Variants in SCAI observed in about 807,000 individuals in gnomAD.
SCAI encodes the protein protein SCAI.
SCAI carries 24 observed loss-of-function variants against 92.2 expected under a neutral mutation model. The observed-to-expected ratio is 0.26, with a 90% CI of 0.19 to 0.37. The LOEUF (loss-of-function observed/expected upper bound fraction) is 0.37, where lower values mean the gene tolerates loss of function less well. Among genes scored for constraint, SCAI ranks in the 10% least tolerant of loss-of-function variants. The pLI, the probability that SCAI is intolerant of heterozygous loss-of-function variation, is 1.00. For synonymous variants in SCAI, 261 were observed against 258.6 expected (o/e 1.01, Z -0.09); for missense variants, 450 against 736.2 (o/e 0.61, Z 4.50).
At chr9:125,089,678 T>C (rs1834390258) in intron 2 of SCAI, among the ~76,000 whole-genome samples, 1 of 151,060 alleles carries the variant, frequency 6.6e-6, no homozygotes, top group Non-Finnish European at 1.5e-5. Context: ...TTTTTTTTGG[T>C]TTGGGGTTGG....
intron 3 of SCAI, among the ~76,000 whole-genome samples, chr9:125,048,282 C>G (rs958890489): frequency 6.6e-6 from 1 of 151,936 alleles, no homozygotes; most frequent in Non-Finnish European, 1.5e-5. Flanking sequence ...CCAGCCTAGT[C>G]AATCAATGAT....
intron 3 of SCAI, among the ~76,000 whole-genome samples, chr9:125,053,903 A>G (rs1298387619): frequency 1.3e-5 from 2 of 152,204 alleles, no homozygotes; most frequent in African/African-American, 4.8e-5. Context: ...CCCATGTGCC[A>G]GAAGTTACAC....
rs1832855435 is a variant in SCAI, at chr9:125,020,762, A to G, written c.520T>C (p.Leu174=). The G allele has an allele frequency of 1.4e-6, 2 of 1,412,348 alleles. No homozygotes were observed. Among genetic ancestry groups the G allele is most frequent in the Non-Finnish European group, 2.0e-6 (2 of 1,021,392 alleles). 87.5% of individuals were successfully genotyped at this position (1,412,348 alleles called of 1,614,324 possible). A position where few individuals can be genotyped will look rare whatever the true frequency, so the allele number is the denominator to read the frequency against. ...TAATATCGTAACTTCTTAACTACCA[A>G]TTCAGGTCTATGGAAGATAAATGAA... ...SQVNKEDRPE[L]VVKKLRYYAR... Residue 174 remains leucine (L), a synonymous_variant, in exon 7 of 18, where the codon TTG becomes CTG. Coordinates refer to ENST00000336505, the MANE Select transcript of SCAI (RefSeq NM_001144877.3).
rs114565302 is a variant in SCAI, at chr9:125,043,760, A to C, written c.230+12116T>G. 8.3e-3 allele frequency among the ~76,000 whole-genome samples: 1,260 copies of C among 152,284 alleles called. 17 individuals carry two copies. The highest frequency in any genetic ancestry group is 0.028 in the African/African-American group (1,179 of 41,562). ...CTTAGCCTCTCAAGTAGCTGGGATTATGATGGTGGTGGCAGCCCATCTGGA... is the reference window on the plus strand; with the variant it reads ...CTTAGCCTCTCAAGTAGCTGGGATTCTGATGGTGGTGGCAGCCCATCTGGA... On this transcript the variant is annotated intron_variant, in intron 3 of 17. Coordinates refer to ENST00000336505, the MANE Select transcript of SCAI (RefSeq NM_001144877.3).
At chr9:125,028,741 C>A (rs1298409018) in intron 4 of SCAI, among the ~76,000 whole-genome samples, 1 of 149,244 alleles carries the variant, frequency 6.7e-6, no homozygotes, top group Non-Finnish European at 1.5e-5. Flanking sequence ...TATGCTCTAG[C>A]TGATCTGAAC....
intron 6 of SCAI, among the ~76,000 whole-genome samples, chr9:125,021,473 T>C (rs925856245): frequency 5.3e-5 from 8 of 152,324 alleles, no homozygotes; most frequent in Admixed American, 1.3e-4. Context: ...GCTTCCTAGT[T>C]ATACTACTTC....
intron 2 of SCAI, among the ~76,000 whole-genome samples, chr9:125,119,189 A>G (rs1273330734): frequency 1.3e-5 from 2 of 152,174 alleles, no homozygotes; most frequent in African/African-American, 2.4e-5. Context: ...TGAACAGCCA[A>G]TATTTTGTGG....
intron 2 of SCAI, among the ~76,000 whole-genome samples, chr9:125,106,722 CTTT>C (rs34740170): frequency 0.041 from 4,677 of 113,260 alleles, 184 homozygotes; most frequent in African/African-American, 0.14. Flanking sequence ...TTTTCTTTTC[CTTT>C]TTTTTTTTTT....
chr9:125,084,833 T>C (rs997421021), intron 2 of SCAI, among the ~76,000 whole-genome samples: 16 of 152,228 alleles, frequency 1.1e-4, no homozygotes, highest in African/African-American at 3.4e-4. Context: ...ACAACTTTTA[T>C]TGTTCTTTAT....
intron 9 of SCAI, among the ~76,000 whole-genome samples, chr9:125,004,261 C>T (rs898607537): frequency 2.6e-5 from 4 of 151,924 alleles, no homozygotes; most frequent in South Asian, 4.2e-4. Flanking sequence ...TGAATTCACA[C>T]GTGTAGGTAG....
chr9:125,020,409 C>T (rs949569978), intron 7 of SCAI, among the ~76,000 whole-genome samples: 4 of 152,086 alleles, frequency 2.6e-5, no homozygotes, highest in African/African-American at 9.7e-5. Context: ...GCATTCCCAG[C>T]CATCCACTGA....
At chr9:125,088,827 TAG>T (rs141722479) in intron 2 of SCAI, among the ~76,000 whole-genome samples, 2,006 of 152,248 alleles carry the variant, frequency 0.013, 35 homozygotes, top group African/African-American at 0.044. Context: ...CTCCCTAACA[TAG>T]AGTTTCTTAA....
chr9:125,126,342 T>G (rs1835272716), intron 2 of SCAI, among the ~76,000 whole-genome samples: 2 of 152,144 alleles, frequency 1.3e-5, no homozygotes, highest in Admixed American at 6.6e-5. Context: ...CTTCCCTCTA[T>G]GCAGTGCTGC....
chr9:125,141,889 G>A (rs139316869), intron 2 of SCAI, among the ~76,000 whole-genome samples: 99 of 152,264 alleles, frequency 6.5e-4, no homozygotes, highest in African/African-American at 2.0e-3. Context: ...TAGAGCATTC[G>A]TACACAGTAC....
intron 14 of SCAI, among the ~76,000 whole-genome samples, chr9:124,988,080 T>C (rs1222806886): frequency 1.3e-5 from 2 of 151,680 alleles, no homozygotes. Context: ...TGCACACACA[T>C]ACACACACGC....
chr9:125,058,482 T>C (rs564862252), intron 2 of SCAI, among the ~76,000 whole-genome samples: 1 of 151,884 alleles, frequency 6.6e-6, no homozygotes, highest in African/African-American at 2.4e-5. Context: ...GCCACTGTAC[T>C]TCAGCCTGGG....
At position 125,107,336 on chromosome 9, in the gene SCAI, G is replaced by T. The variant is rs200821104; in HGVS notation, c.98+35297C>A. On this transcript the variant is annotated intron_variant, in intron 2 of 17. Transcript: ENST00000336505. ...AGGCAGGAGAATCGCTTGAACCCAG[G>T]AGGCGGAGGTTGCAGTGAGCCGAGA... Among the ~76,000 whole-genome samples the T allele has an allele frequency of 3.2e-3, 490 of 151,624 alleles. 8 individuals carry two copies. Among genetic ancestry groups the T allele is most frequent in the East Asian group, 1.4e-3 (7 of 5,140 alleles).
Position 125,143,513 on chromosome 9 carries a change from G to C in SCAI, c.-76C>G, listed in dbSNP as rs932271632. 8.8e-6 allele frequency: 11 copies of C among 1,243,386 alleles called. No individual in the cohort carries two copies. The highest frequency in any genetic ancestry group is 1.1e-5 in the Non-Finnish European group (11 of 974,814). The allele number at this position is 1,243,386 out of a possible 1,614,324, so 77.0% of individuals were successfully genotyped here. On this transcript the variant is annotated 5_prime_UTR_variant, in exon 1 of 18. Transcript: ENST00000336505. ...CGGGAAGCTGAGGCGGCGGAGGCTG[G>C]AGTAGGCGGAGAGGCGGGAGGAGGG... is the stretch of plus-strand genomic sequence containing the variant.
intron 2 of SCAI, among the ~76,000 whole-genome samples, chr9:125,082,988 T>C (rs1456628418): frequency 6.6e-6 from 1 of 152,164 alleles, no homozygotes; most frequent in African/African-American, 2.4e-5. Flanking sequence ...TTTTGAAATG[T>C]GAAGACATGA....
Sources: allele counts gnomAD v4.1 joint callset (sites outside exome capture counted in the v4.1 genomes callset), GRCh38; gene constraint gnomAD v4.1.1; transcripts MANE v1.5; gene names NCBI Gene and HGNC (gene_info 2026-07-23, HGNC 2026-07-21).